CSMD1: variants seen among roughly 807,000 people sequenced by gnomAD.
The protein encoded by CSMD1 is CUB and Sushi multiple domains 1.
CSMD1 carries 213 observed loss-of-function variants against 417.5 expected under a neutral mutation model. The ratio of observed to expected loss-of-function variants is 0.51; its 90% CI spans 0.46 to 0.57. CSMD1 has a LOEUF of 0.57. CSMD1 is among the 20% of genes least tolerant of loss of function. The pLI is 0.00. For synonymous variants in CSMD1, 2,862 were observed against 1,736.8 expected (o/e 1.65, Z -16.11); for missense variants, 6,923 against 4,529.7 (o/e 1.53, Z -15.17).
chr8:4,687,996 T>C (rs1806500108), intron 1 of CSMD1, among the ~76,000 whole-genome samples: 1 of 152,214 alleles, frequency 6.6e-6, no homozygotes, highest in South Asian at 2.1e-4. Context: ...TGATTCTATC[T>C]GGTGTGTATT....
At chr8:4,114,976 C>T (rs537842610) in intron 3 of CSMD1, among the ~76,000 whole-genome samples, 83 of 152,238 alleles carry the variant, frequency 5.5e-4, no homozygotes, top group African/African-American at 1.8e-3. Flanking sequence ...GAAATGACAA[C>T]AAAATATCTA....
At chr8:4,901,788 G>GT (rs1258928134) in intron 1 of CSMD1, among the ~76,000 whole-genome samples, 3 of 152,148 alleles carry the variant, frequency 2.0e-5, no homozygotes, top group Admixed American at 2.0e-4. Flanking sequence ...TCCTTGGAGG[G>GT]AGGCACAATT....
At chr8:3,938,202 G>T (rs2129730767) in intron 5 of CSMD1, among the ~76,000 whole-genome samples, 1 of 152,040 alleles carries the variant, frequency 6.6e-6, no homozygotes, top group Admixed American at 6.6e-5. Context: ...GTCATTTTTG[G>T]GTAACATCCA....
chr8:3,837,743 T>G (rs1048329838), intron 5 of CSMD1, among the ~76,000 whole-genome samples: 1 of 152,086 alleles, frequency 6.6e-6, no homozygotes, highest in African/African-American at 2.4e-5. Context: ...AAAATCCTCC[T>G]GGCTCCTCCC....
chr8:3,305,012 T>G (rs937052801), intron 25 of CSMD1, among the ~76,000 whole-genome samples: 5 of 152,146 alleles, frequency 3.3e-5, no homozygotes, highest in Non-Finnish European at 7.4e-5. Flanking sequence ...ATCTAGCATT[T>G]GTGAATTCAA....
intron 2 of CSMD1, among the ~76,000 whole-genome samples, chr8:4,432,071 A>G (rs1186195857): frequency 1.3e-5 from 2 of 152,222 alleles, no homozygotes; most frequent in Non-Finnish European, 2.9e-5. Context: ...TAAAACAGAC[A>G]GGATTAGAAT....
chr8:4,001,839 A>G (rs1004609683), intron 4 of CSMD1, among the ~76,000 whole-genome samples: 15 of 152,126 alleles, frequency 9.9e-5, no homozygotes, highest in African/African-American at 3.1e-4. Context: ...GACATAAAGA[A>G]GGCAAAATAG....
intron 7 of CSMD1, among the ~76,000 whole-genome samples, chr8:3,630,949 G>T (rs1330675336): frequency 1.3e-5 from 2 of 152,208 alleles, no homozygotes; most frequent in Admixed American, 1.3e-4. Flanking sequence ...TTTCTTCCAA[G>T]AGATGAGACT....
intron 1 of CSMD1, among the ~76,000 whole-genome samples, chr8:4,977,404 G>A (rs551365345): frequency 8.5e-5 from 13 of 152,270 alleles, no homozygotes; most frequent in African/African-American, 3.1e-4. Context: ...AGGATTTCAG[G>A]CTGGAGGAGA....
At chr8:3,179,001 G>A (rs920709760) in intron 37 of CSMD1, among the ~76,000 whole-genome samples, 5 of 147,650 alleles carry the variant, frequency 3.4e-5, no homozygotes, top group African/African-American at 5.0e-5. Flanking sequence ...AGGCTGGAGT[G>A]CAGTGGCGCG....
At chr8:4,108,147 A>G (rs557502607) in intron 3 of CSMD1, among the ~76,000 whole-genome samples, 7 of 152,150 alleles carry the variant, frequency 4.6e-5, no homozygotes, top group African/African-American at 1.7e-4. Flanking sequence ...GGGAGAAGAC[A>G]GAAGAGAGAC....
At chr8:4,757,414 AC>A (rs1811736531) in intron 1 of CSMD1, among the ~76,000 whole-genome samples, 1 of 152,168 alleles carries the variant, frequency 6.6e-6, no homozygotes, top group Non-Finnish European at 1.5e-5. Context: ...TACAATAGTC[AC>A]CAATTATGAG....
chr8:4,351,670 T>G (rs1253696417), intron 3 of CSMD1, among the ~76,000 whole-genome samples: 2 of 152,154 alleles, frequency 1.3e-5, no homozygotes, highest in Non-Finnish European at 2.9e-5. Flanking sequence ...AGGCAAGATG[T>G]CTTCCAAGAG....
chr8:4,208,253 T>C (rs868841969), intron 3 of CSMD1, among the ~76,000 whole-genome samples: 3 of 152,068 alleles, frequency 2.0e-5, no homozygotes, highest in African/African-American at 7.2e-5. Flanking sequence ...TATAATTGCC[T>C]TCTCGGTCAA....
intron 2 of CSMD1, among the ~76,000 whole-genome samples, chr8:4,629,199 T>C (rs1231285508): frequency 1.3e-5 from 2 of 152,196 alleles, no homozygotes; most frequent in East Asian, 3.9e-4. Context: ...AGCTAGAATT[T>C]CTGAATGAAA....
chr8:3,840,628 T>C (rs77798547), intron 5 of CSMD1, among the ~76,000 whole-genome samples: 17,212 of 151,750 alleles, frequency 0.11, 1,345 homozygotes, highest in African/African-American at 0.22. Flanking sequence ...TATATCTGTG[T>C]GTGTGCACTT....
chr8:4,600,956 A>ATTT lies in CSMD1; in HGVS notation c.302+36383_302+36385dup, dbSNP rs36030872. Reference sequence around the variant, plus strand: ...TCCAAAAAATTTCCCTCTTAATTAGATTTTTTTTTTTTTTTTTGAGATGAA... The same window carrying ATTT: ...TCCAAAAAATTTCCCTCTTAATTAGATTTTTTTTTTTTTTTTTTTTGAGATGAA... On this transcript the variant is annotated intron_variant, in intron 2 of 69. Coordinates refer to ENST00000635120, the MANE Select transcript of CSMD1 (RefSeq NM_033225.6). 9.1e-4 allele frequency among the ~76,000 whole-genome samples: 127 copies of ATTT among 139,088 alleles called. No homozygotes were observed. The Middle Eastern group carries it at 0.011, about 12-fold the overall frequency. The allele number at this position is 139,088 out of a possible 152,430, so 91.2% of individuals were successfully genotyped here.
intron 5 of CSMD1, among the ~76,000 whole-genome samples, chr8:3,981,215 C>T (rs1014740005): frequency 6.6e-6 from 1 of 152,136 alleles, no homozygotes; most frequent in Non-Finnish European, 1.5e-5. Context: ...AAAGAACATG[C>T]AATTATTCTA....
At chr8:4,028,031 T>C (rs955350420) in intron 4 of CSMD1, among the ~76,000 whole-genome samples, 2 of 152,166 alleles carry the variant, frequency 1.3e-5, no homozygotes, top group Admixed American at 1.3e-4. Flanking sequence ...GCAGATGGGA[T>C]ACAGGTTTAG....
Sources: gnomAD v4.1 joint callset for allele counts (sites outside exome capture counted in the v4.1 genomes callset) on GRCh38, gnomAD v4.1.1 for gene constraint, MANE v1.5 for transcripts, NCBI Gene and HGNC (gene_info 2026-07-23, HGNC 2026-07-21) for gene names.